KCNIP2: variants seen among roughly 807,000 people sequenced by gnomAD.
The protein encoded by KCNIP2 is potassium voltage-gated channel interacting protein 2.
KCNIP2 carries 19 observed loss-of-function variants against 39.0 expected under a neutral mutation model. The observed-to-expected ratio is 0.49, with a 90% CI of 0.34 to 0.71. The LOEUF (loss-of-function observed/expected upper bound fraction) is 0.71, where lower values mean the gene tolerates loss of function less well. Among genes scored for constraint, KCNIP2 ranks in the 30% least tolerant of loss-of-function variants. The pLI is 0.01. For missense variants in KCNIP2, 261 were observed against 346.0 expected (o/e 0.75, Z 1.95); for synonymous variants, 111 against 131.2 (o/e 0.85, Z 1.05).
At position 101,827,190 on chromosome 10, in the gene KCNIP2, C is replaced by G. The variant is rs1156630990; in HGVS notation, c.*163G>C. On this transcript the variant is annotated 3_prime_UTR_variant, in exon 10 of 10. Transcript: ENST00000356640. The stretch of plus-strand genomic sequence containing the variant: ...CACTCTGCCCACTCTCTGGCCCCTT[C>G]AGCTCCAGAGATCTGGACTACTGAA... 1.5e-6 allele frequency: 2 copies of G among 1,333,102 alleles called. No individual in the cohort carries two copies. The highest frequency in any genetic ancestry group is 2.7e-5 in the South Asian group (1 of 36,714). The allele number at this position is 1,333,102 out of a possible 1,614,324, so 82.6% of individuals were successfully genotyped here.
Position 101,829,886 on chromosome 10 carries a change from G to A in KCNIP2, c.181C>T (p.Pro61Ser). 3 of 1,517,358 alleles carry A rather than the reference G, an allele frequency of 2.0e-6. No homozygotes were observed. The highest frequency in any genetic ancestry group is 2.6e-6 in the Non-Finnish European group (3 of 1,135,784). The allele number at this position is 1,517,358 out of a possible 1,614,324, so 94.0% of individuals were successfully genotyped here. A position where few individuals can be genotyped will look rare whatever the true frequency, so the allele number is the denominator to read the frequency against. Residue 61 changes from proline (P) to serine (S), a missense_variant, in exon 3 of 10, where the codon CCA (proline) becomes TCA (serine). Pro to Ser is a moderately conservative substitution (Grantham distance 74, BLOSUM62 -1). Coordinates refer to ENST00000356640, the MANE Select transcript of KCNIP2 (RefSeq NM_173191.3). ...GGTCTGTGGGGGCGGAGGGAGGCTG[G>A]GGCGGCTAATGCTGAAGGGAGCGAA... ...LPSVSETLAAPASLRPHRPRL... is the reference protein window; with the variant it reads ...LPSVSETLAASASLRPHRPRL...
chr10:101,835,752 C>A (rs546636565), intron 1 of KCNIP2, among the ~76,000 whole-genome samples: 1 of 152,076 alleles, frequency 6.6e-6, no homozygotes, highest in South Asian at 2.1e-4. Flanking sequence ...CCATTACTAC[C>A]GCTGCTGGCT....
At chr10:101,840,057 C>CGGGGGGGG (rs71016350) in intron 1 of KCNIP2, among the ~76,000 whole-genome samples, 1 of 90,400 alleles carries the variant, frequency 1.1e-5, no homozygotes, top group Non-Finnish European at 2.2e-5. Context: ...AGTTCCTGGA[C>CGGGGGGGG]GGGGGGGGGG....
intron 1 of KCNIP2, among the ~76,000 whole-genome samples, chr10:101,837,301 C>T (rs756457371): frequency 5.3e-5 from 8 of 152,056 alleles, no homozygotes; most frequent in Admixed American, 6.6e-5. Context: ...TGAAGCTCCC[C>T]GCCAAGATAA....
intron 1 of KCNIP2, among the ~76,000 whole-genome samples, chr10:101,837,064 T>C (rs1180635262): frequency 6.6e-6 from 1 of 152,152 alleles, no homozygotes; most frequent in African/African-American, 2.4e-5. Flanking sequence ...TGAGCCATGA[T>C]TGTGCCACTG....
chr10:101,837,446 G>A (rs1228474092), intron 1 of KCNIP2, among the ~76,000 whole-genome samples: 1 of 152,086 alleles, frequency 6.6e-6, no homozygotes, highest in African/African-American at 2.4e-5. Context: ...CGAGGCGGGT[G>A]GATCACAAGG....
At position 101,843,185 on chromosome 10, in the gene KCNIP2, G is replaced by GCA. The variant is rs149732734; in HGVS notation, c.73+309_73+310dup. ...GCAACCAGCTGTGGGAGGTGCGCGC[G>GCA]CACACACACACACACACACAGAATG... On this transcript the variant is annotated intron_variant, in intron 1 of 9. Coordinates refer to ENST00000356640, the MANE Select transcript of KCNIP2 (RefSeq NM_173191.3). The surrounding 1 kb of genome is among the most constrained non-coding windows in gnomAD (Gnocchi z 6.7). Among the ~76,000 whole-genome samples, 3,638 of 150,278 alleles carry GCA rather than the reference G, an allele frequency of 0.024. 123 individuals are homozygous for GCA. Among genetic ancestry groups the GCA allele is most frequent in the African/African-American group, 0.075 (3,070 of 41,084 alleles).
Position 101,828,111 on chromosome 10 carries a change from A to G in KCNIP2, c.597+40T>C, listed in dbSNP as rs2065808811. 1.9e-6 allele frequency: 3 copies of G among 1,586,068 alleles called. No individual in the cohort carries two copies. The highest frequency in any genetic ancestry group is 2.6e-6 in the Non-Finnish European group (3 of 1,154,956). ...CCATCACCCTCTGCACGCCACCCCC[A>G]TCACCGCCACAGACCCCCAGCCCTT... On this transcript the variant is annotated intron_variant, in intron 7 of 9. Coordinates refer to ENST00000356640, the MANE Select transcript of KCNIP2 (RefSeq NM_173191.3). The surrounding 1 kb of genome is among the most constrained non-coding windows in gnomAD (Gnocchi z 6.6).
intron 1 of KCNIP2, among the ~76,000 whole-genome samples, chr10:101,836,045 G>A (rs1298970268): frequency 1.3e-5 from 2 of 152,166 alleles, no homozygotes; most frequent in Non-Finnish European, 2.9e-5. Flanking sequence ...GCCCCAGAAG[G>A]AGCCCTCCCT....
intron 2 of KCNIP2, 166 bp from the exon 3 acceptor site, chr10:101,830,063 A>G (rs532099601): frequency 1.7e-5 from 13 of 782,472 alleles, no homozygotes; most frequent in Non-Finnish European, 2.5e-5. Context: ...AGCTTGCGGG[A>G]CTCACGCCTG....
intron 1 of KCNIP2, among the ~76,000 whole-genome samples, chr10:101,831,677 CCTT>C (rs2065997190): frequency 6.6e-6 from 1 of 152,094 alleles, no homozygotes; most frequent in African/African-American, 2.4e-5. Flanking sequence ...CCTGCTAACT[CCTT>C]AACACAAACA....
At chr10:101,830,203 C>T (rs1055388969) in intron 2 of KCNIP2, among the ~76,000 whole-genome samples, 6 of 152,204 alleles carry the variant, frequency 3.9e-5, no homozygotes, top group African/African-American at 1.4e-4. Context: ...CAAGGCCCAA[C>T]TGAGGAAATG....
intron 2 of KCNIP2, 92 bp downstream of exon 2, chr10:101,830,980 T>A (rs41291490): frequency 0.055 from 62,641 of 1,134,414 alleles, 1,856 homozygotes; most frequent in African/African-American, 0.07. Flanking sequence ...ATGCGCACAC[T>A]CGCAGGCCTG....
Position 101,831,177 on chromosome 10 carries a change from G to C in KCNIP2, c.74-10C>G. 1 of 1,588,076 alleles carries C rather than the reference G, an allele frequency of 6.3e-7. No individual in the cohort carries two copies. The highest frequency in any genetic ancestry group is 1.7e-4 in the Middle Eastern group (1 of 6,022). On this transcript the variant is annotated splice_polypyrimidine_tract_variant and intron_variant, in intron 1 of 9. Transcript: ENST00000356640. ...GGCCCTGGAGGGTGGCCTGGGAAGA[G>C]AGAAGACCCCAGGAAGGCACATTAA...
chr10:101,827,044 TC>T lies in KCNIP2; in HGVS notation c.*308del. 3.1e-6 allele frequency: 1 copy of T among 318,210 alleles called. No individual in the cohort carries two copies. The highest frequency in any genetic ancestry group is 5.6e-6 in the Non-Finnish European group (1 of 178,110). The allele number at this position is 318,210 out of a possible 1,614,324, so 19.7% of individuals were successfully genotyped here. ...GCAGGAGACATCTGTCTAGTGTGTT[TC>T]TAGAGTAGGGGTAGGAGGTGGGGAA... is the stretch of plus-strand genomic sequence containing the variant. On this transcript the variant is annotated 3_prime_UTR_variant, in exon 10 of 10. Transcript: ENST00000356640.
chr10:101,828,560 TCC>T lies in KCNIP2; in HGVS notation c.418+65_418+66del. The T allele has an allele frequency of 1.9e-6, 3 of 1,601,290 alleles. No individual in the cohort carries two copies. The highest frequency in any genetic ancestry group is 2.6e-6 in the Non-Finnish European group (3 of 1,169,062). On this transcript the variant is annotated intron_variant, in intron 5 of 9. Transcript: ENST00000356640. This position sits in a 1 kb window ranked among gnomAD's most constrained non-coding sequence, Gnocchi z 6.6. ...CCATCACCTTGGCATTCCCAGCTCC[TCC>T]AGAATCCCTCCCTCCCTCAGCCTAG...
rs780027605 is a variant in KCNIP2, at chr10:101,832,636, G to A, written c.74-1469C>T. Among the ~76,000 whole-genome samples, 70 of 152,148 alleles carry A rather than the reference G, an allele frequency of 4.6e-4. 1 individual carries two copies. The highest frequency in any genetic ancestry group is 7.9e-4 in the Non-Finnish European group (54 of 67,968). ...GAGGGAGGCAGTGGGCCAGGCAGGG[G>A]GATCGATGGCATTCCTGGCCTCTGG... On this transcript the variant is annotated intron_variant, in intron 1 of 9. Coordinates refer to ENST00000356640, the MANE Select transcript of KCNIP2 (RefSeq NM_173191.3).
At position 101,827,244 on chromosome 10, in the gene KCNIP2, C is replaced by A; in HGVS notation, c.*109G>T. On this transcript the variant is annotated 3_prime_UTR_variant, in exon 10 of 10. Coordinates refer to ENST00000356640, the MANE Select transcript of KCNIP2 (RefSeq NM_173191.3). ...CCAAGCTCTTGGATCCCTCCAGCCC[C>A]CAGGGAGGCGTAGGATGAGGATAGA... 7.2e-7 allele frequency: 1 copy of A among 1,389,790 alleles called. No homozygotes were observed. Among genetic ancestry groups the A allele is most frequent in the Non-Finnish European group, 9.4e-7 (1 of 1,067,208 alleles). The allele number at this position is 1,389,790 out of a possible 1,614,324, so 86.1% of individuals were successfully genotyped here. A position where few individuals can be genotyped will look rare whatever the true frequency, so the allele number is the denominator to read the frequency against.
intron 1 of KCNIP2, among the ~76,000 whole-genome samples, chr10:101,836,333 G>A (rs1171966181): frequency 2.1e-5 from 3 of 146,156 alleles, no homozygotes; most frequent in East Asian, 4.0e-4. Context: ...GCTAAAGTGC[G>A]GTGGCGCTAG....
Sources: gnomAD v4.1 joint callset for allele counts (sites outside exome capture counted in the v4.1 genomes callset) on GRCh38, gnomAD v4.1.1 for gene constraint, Gnocchi (gnomAD v3.1) non-coding constraint, MANE v1.5 for transcripts, NCBI Gene and HGNC (gene_info 2026-07-23, HGNC 2026-07-21) for gene names.